The following OTULINL variants were observed in gnomAD, a reference collection of about 807,000 sequenced individuals.
The protein encoded by OTULINL is OTU deubiquitinase with linear linkage specificity like.
Under a neutral mutation model 43.9 loss-of-function variants are expected in OTULINL, and 42 were observed. That is an observed-to-expected ratio of 0.96 (90% CI 0.75 to 1.24). The LOEUF (loss-of-function observed/expected upper bound fraction) is 1.24. Ranked by LOEUF, OTULINL falls within the 50% of genes most tolerant of loss-of-function variation. OTULINL has a pLI of 0.00. For missense variants in OTULINL, 411 were observed against 426.4 expected (o/e 0.96, Z 0.32); for synonymous variants, 172 against 153.6 (o/e 1.12, Z -0.88).
rs564034071 is a variant in OTULINL, at chr5:14,609,910, G to C, written c.898-231G>C. ...TGGGATTACAGGCGTGAGCCACCGC[G>C]CCTGGCCGTGATTTTTACATGCTAG... On this transcript the variant is annotated intron_variant, in intron 7 of 7. Coordinates refer to ENST00000274217, the MANE Select transcript of OTULINL (RefSeq NM_019018.3). 5.3e-5 allele frequency among the ~76,000 whole-genome samples: 8 copies of C among 152,260 alleles called. No homozygotes were observed. The South Asian group carries it at 1.0e-3, about 20-fold the overall frequency.
intron 1 of OTULINL, among the ~76,000 whole-genome samples, chr5:14,592,668 C>T (rs1482725733): frequency 1.3e-5 from 2 of 152,174 alleles, no homozygotes; most frequent in Non-Finnish European, 2.9e-5. Context: ...CTGCCTTTAG[C>T]CCAAAGCATT....
At chr5:14,607,229 C>CA in intron 5 of OTULINL, 101 bp from the exon 6 acceptor site, 2 of 1,249,376 alleles carry the variant, frequency 1.6e-6, no homozygotes, top group African/African-American at 1.6e-5. Context: ...GATTCCATCT[C>CA]GAAAAAAAAA....
At chr5:14,606,484 G>A (rs1007481085) in intron 5 of OTULINL, among the ~76,000 whole-genome samples, 1 of 152,190 alleles carries the variant, frequency 6.6e-6, no homozygotes, top group Non-Finnish European at 1.5e-5. Flanking sequence ...ATGGGAAAAT[G>A]TATTGGATAC....
chr5:14,581,894 C>T lies in OTULINL; in HGVS notation c.-1C>T. The stretch of plus-strand genomic sequence containing the variant: ...CAGCGCCCGTCCGCAGCGCGGCCGG[C>T]ATGGCGGCGACAAGGAGCCCCACGC... On this transcript the variant is annotated 5_prime_UTR_variant, in exon 1 of 8. Coordinates refer to ENST00000274217, the MANE Select transcript of OTULINL (RefSeq NM_019018.3). 2 of 1,412,030 alleles carry T rather than the reference C, an allele frequency of 1.4e-6. No individual in the cohort carries two copies. The highest frequency in any genetic ancestry group is 9.2e-7 in the Non-Finnish European group (1 of 1,083,048). 87.5% of individuals were successfully genotyped at this position (1,412,030 alleles called of 1,614,324 possible). A position where few individuals can be genotyped will look rare whatever the true frequency, so the allele number is the denominator to read the frequency against.
Position 14,602,087 on chromosome 5 carries a change from T to C in OTULINL, c.349-96T>C, listed in dbSNP as rs547736279. ...TTATCATTGTTTCTGTTGTCCACTT[T>C]AGTTGGGAGGAACACCTCACTGAAA... On this transcript the variant is annotated intron_variant, in intron 4 of 7. Transcript: ENST00000274217. 64 of 899,446 alleles carry C rather than the reference T, an allele frequency of 7.1e-5. No individual in the cohort carries two copies. The Admixed American group carries it at 7.9e-4, about 11-fold the overall frequency. 55.7% of individuals were successfully genotyped at this position (899,446 alleles called of 1,614,324 possible).
Position 14,593,708 on chromosome 5 carries a change from C to T in OTULINL, c.65-7257C>T, listed in dbSNP as rs549188151. Among the ~76,000 whole-genome samples the T allele has an allele frequency of 5.9e-5, 9 of 152,308 alleles. No homozygotes were observed. In the East Asian group the frequency reaches 1.4e-3, roughly 23 times the overall value. On this transcript the variant is annotated intron_variant, in intron 1 of 7. Transcript: ENST00000274217. ...GCATTCAACATCTCTAGAAGATGTGCCCAGTCAAGAGATGTGCCCGACTCT... is the reference window on the plus strand; with the variant it reads ...GCATTCAACATCTCTAGAAGATGTGTCCAGTCAAGAGATGTGCCCGACTCT...
Position 14,610,299 on chromosome 5 carries a change from C to T in OTULINL, c.1056C>T (p.His352=). The T allele has an allele frequency of 1.9e-6, 3 of 1,612,994 alleles. No individual in the cohort carries two copies. In the South Asian group the frequency reaches 3.3e-5, roughly 18 times the overall value. The change falls in exon 8 of 8, where the codon CAC becomes CAT. Residue 352 remains histidine (H), a synonymous_variant. Coordinates refer to ENST00000274217, the MANE Select transcript of OTULINL (RefSeq NM_019018.3). ...TGACCGAGAACGACCGCCACTACCACATTCCAGTCTTTTAAGTCCGCTGGG... is the reference window on the plus strand; with the variant it reads ...TGACCGAGAACGACCGCCACTACCATATTCCAGTCTTTTAAGTCCGCTGGG... ...SLLTENDRHY[H]IPVF
chr5:14,584,025 C>T (rs1040557516), intron 1 of OTULINL, among the ~76,000 whole-genome samples: 1 of 152,080 alleles, frequency 6.6e-6, no homozygotes, highest in South Asian at 2.1e-4. Context: ...TTAGATGCAT[C>T]GAAGAAACAT....
intron 1 of OTULINL, among the ~76,000 whole-genome samples, chr5:14,597,138 G>A (rs925207202): frequency 6.6e-6 from 1 of 152,122 alleles, no homozygotes; most frequent in Non-Finnish European, 1.5e-5. Flanking sequence ...CAAAATAAGG[G>A]TTACTAGAGT....
At chr5:14,609,059 C>A (rs988141187) in intron 7 of OTULINL, 42 bp downstream of exon 7, 11 of 1,576,992 alleles carry the variant, frequency 7.0e-6, no homozygotes, top group African/African-American at 1.4e-5. Context: ...ATTAAGGATG[C>A]TGTGGCACTA....
intron 3 of OTULINL, 49 bp from the exon 4 acceptor site, chr5:14,601,302 G>C (rs754389498): frequency 1.2e-6 from 2 of 1,610,282 alleles, no homozygotes; most frequent in South Asian, 2.2e-5. Context: ...GGTTCAAGAA[G>C]GGAGAAGAAA....
In OTULINL at chr5:14,581,937, C is replaced by T; in HGVS notation, c.43C>T (p.Arg15Trp). The T allele has an allele frequency of 1.5e-6, 2 of 1,364,948 alleles. No individual in the cohort carries two copies. The highest frequency in any genetic ancestry group is 3.2e-5 in the East Asian group (1 of 31,160). 84.6% of individuals were successfully genotyped at this position (1,364,948 alleles called of 1,614,324 possible). ...RSPTRARERE[R>W]SGAPAAGSDQ... The stretch of plus-strand genomic sequence containing the variant: ...CCCCACGCGGGCAAGGGAGCGGGAG[C>T]GGTCTGGCGCTCCCGCCGCAGGTGA... Residue 15 changes from arginine (R) to tryptophan (W), a missense_variant, in exon 1 of 8, where the codon CGG becomes TGG. Coordinates refer to ENST00000274217, the MANE Select transcript of OTULINL (RefSeq NM_019018.3).
chr5:14,587,696 A>G (rs539249937), intron 1 of OTULINL, among the ~76,000 whole-genome samples: 4 of 152,288 alleles, frequency 2.6e-5, no homozygotes, highest in Admixed American at 2.0e-4. Flanking sequence ...TATCCATGGT[A>G]TATCCCTCTA....
intron 5 of OTULINL, among the ~76,000 whole-genome samples, chr5:14,606,967 A>C (rs934114778): frequency 6.6e-6 from 1 of 152,100 alleles, no homozygotes; most frequent in Admixed American, 6.5e-5. Context: ...TGTGGCTCAC[A>C]CCTGTAATTC....
At chr5:14,606,670 GA>G (rs1041824930) in intron 5 of OTULINL, among the ~76,000 whole-genome samples, 3 of 152,180 alleles carry the variant, frequency 2.0e-5, no homozygotes, top group African/African-American at 7.2e-5. Flanking sequence ...GTGAGCCACA[GA>G]GTGCATCATT....
chr5:14,584,765 G>A (rs1759076467), intron 1 of OTULINL, among the ~76,000 whole-genome samples: 1 of 152,190 alleles, frequency 6.6e-6, no homozygotes, highest in Admixed American at 6.5e-5. Context: ...AGATGTGTCT[G>A]CTAAATGAAA....
intron 1 of OTULINL, among the ~76,000 whole-genome samples, chr5:14,599,487 C>G (rs1233105604): frequency 1.4e-5 from 2 of 147,982 alleles, no homozygotes; most frequent in Non-Finnish European, 3.0e-5. Context: ...GAGATTTCAT[C>G]TCAAAAAAAA....
chr5:14,582,174 G>C (rs1292067395), intron 1 of OTULINL, among the ~76,000 whole-genome samples: 3 of 152,100 alleles, frequency 2.0e-5, no homozygotes, highest in African/African-American at 7.2e-5. Flanking sequence ...GCCGCTGTCG[G>C]GGACGGGGTA....
rs760988460 is a variant in OTULINL, at chr5:14,601,348, C to T, written c.257-3C>T. On this transcript the variant is annotated splice_polypyrimidine_tract_variant and splice_region_variant and intron_variant, in intron 3 of 7. Coordinates refer to ENST00000274217, the MANE Select transcript of OTULINL (RefSeq NM_019018.3). ...ACAGCTTTTTATTTTTTATTTGGTC[C>T]AGGGAACCTCAGTGTGGAGGCAGAG... 6.2e-7 allele frequency: 1 copy of T among 1,613,654 alleles called. No homozygotes were observed. Among genetic ancestry groups the T allele is most frequent in the Non-Finnish European group, 8.5e-7 (1 of 1,179,838 alleles).
Sources: allele counts gnomAD v4.1 joint callset (sites outside exome capture counted in the v4.1 genomes callset), GRCh38; gene constraint gnomAD v4.1.1; transcripts MANE v1.5; gene names NCBI Gene and HGNC (gene_info 2026-07-23, HGNC 2026-07-21).